The following GSG1L variants were observed in gnomAD, a reference collection of about 807,000 sequenced individuals.
GSG1L encodes germ cell-specific gene 1-like protein.
Under a neutral mutation model 42.1 loss-of-function variants are expected in GSG1L, and 24 were observed. The observed-to-expected ratio is 0.57, with a 90% CI of 0.41 to 0.80. The LOEUF is 0.80. Ranked by LOEUF, GSG1L falls within the 30% of genes least tolerant of loss-of-function variation. GSG1L has a pLI of 0.00. For synonymous variants in GSG1L, 215 were observed against 203.5 expected, an observed-to-expected ratio of 1.06 and a Z score of -0.48; for missense variants, 445 against 472.2, an observed-to-expected ratio of 0.94 and a Z score of 0.53.
At chr16:27,807,097 A>C (rs1349520258) in intron 6 of GSG1L, among the ~76,000 whole-genome samples, 1 of 152,232 alleles carries the variant, frequency 6.6e-6, no homozygotes, top group Non-Finnish European at 1.5e-5. Flanking sequence ...GAATGCATCT[A>C]AGCTGCCAAG....
intron 2 of GSG1L, among the ~76,000 whole-genome samples, chr16:27,916,919 A>C (rs1044098851): frequency 2.0e-5 from 3 of 152,196 alleles, no homozygotes; most frequent in African/African-American, 7.2e-5. Context: ...TATATCAGTT[A>C]AGAGTGTCCA....
At chr16:27,980,759 G>A (rs2085316109) in intron 1 of GSG1L, among the ~76,000 whole-genome samples, 1 of 152,120 alleles carries the variant, frequency 6.6e-6, no homozygotes, top group Admixed American at 6.5e-5. Flanking sequence ...GCACATGCCT[G>A]TAATTCCAGC....
chr16:27,905,386 G>A (rs1276901707), intron 2 of GSG1L, among the ~76,000 whole-genome samples: 1 of 148,514 alleles, frequency 6.7e-6, no homozygotes, highest in Non-Finnish European at 1.5e-5. Context: ...CTGCAGCAGT[G>A]CAATCATAGC....
At chr16:27,840,843 G>A (rs1480365092) in intron 4 of GSG1L, among the ~76,000 whole-genome samples, 4 of 152,074 alleles carry the variant, frequency 2.6e-5, no homozygotes, top group African/African-American at 9.7e-5. Context: ...CCGGCCGCCA[G>A]CCACCGCCAG....
At chr16:27,877,511 C>T (rs567677909) in intron 3 of GSG1L, among the ~76,000 whole-genome samples, 73 of 152,218 alleles carry the variant, frequency 4.8e-4, no homozygotes, top group African/African-American at 1.6e-3. Context: ...CTAGCAGTAT[C>T]GTGAGCTCCA....
chr16:27,796,793 CA>C (rs1173254765), intron 6 of GSG1L, among the ~76,000 whole-genome samples: 1 of 152,192 alleles, frequency 6.6e-6, no homozygotes, highest in East Asian at 1.9e-4. Context: ...TGGGATGAGA[CA>C]AAGTCCACTG....
chr16:27,807,507 C>A lies in GSG1L; in HGVS notation c.878G>T (p.Arg293Leu). 1 of 1,613,026 alleles carries A rather than the reference C, an allele frequency of 6.2e-7. No individual in the cohort carries two copies. The highest frequency in any genetic ancestry group is 1.3e-5 in the African/African-American group (1 of 74,930). The change falls in exon 6 of 7, where the codon CGC (arginine) becomes CTC (leucine). Residue 293 changes from arginine to leucine, a missense_variant. Coordinates refer to ENST00000447459, the MANE Select transcript of GSG1L (RefSeq NM_001109763.2). ...GSEEDFHLDC[R>L]HERYPARHQP... ...CTTACGGGCAGGGTATCTCTCGTGG[C>A]GGCAGTCTAAGTGAAAGTCCTCCTC...
chr16:27,980,526 A>G (rs2085313357), intron 1 of GSG1L, among the ~76,000 whole-genome samples: 1 of 152,184 alleles, frequency 6.6e-6, no homozygotes, highest in Non-Finnish European at 1.5e-5. Context: ...ACATGCATCA[A>G]TTGCTAATCT....
chr16:27,855,082 T>A (rs1198019720), intron 3 of GSG1L, among the ~76,000 whole-genome samples: 1 of 152,030 alleles, frequency 6.6e-6, no homozygotes, highest in Non-Finnish European at 1.5e-5. Flanking sequence ...AAAATAAAAT[T>A]ACCCTGGGAC....
chr16:27,823,178 G>A (rs1379787334), intron 5 of GSG1L, among the ~76,000 whole-genome samples: 2 of 152,134 alleles, frequency 1.3e-5, no homozygotes, highest in Non-Finnish European at 1.5e-5. Flanking sequence ...CGAAGGAGGG[G>A]ACGACAGGCA....
chr16:27,798,253 A>G (rs1219445235), intron 6 of GSG1L, among the ~76,000 whole-genome samples: 1 of 152,032 alleles, frequency 6.6e-6, no homozygotes, highest in African/African-American at 2.4e-5. Flanking sequence ...AAACACCAGG[A>G]GAGTGAAAGG....
In GSG1L at chr16:27,875,208, G is replaced by T. The variant is rs528962255; in HGVS notation, c.550+9278C>A. Among the ~76,000 whole-genome samples the T allele has an allele frequency of 7.2e-5, 11 of 152,226 alleles. No individual in the cohort carries two copies. In the South Asian group the frequency reaches 2.1e-3, roughly 29 times the overall value. On this transcript the variant is annotated intron_variant, in intron 3 of 6. Transcript: ENST00000447459. ...GAGATTATGGGGAGTTAATGTCTCA[G>T]GAGTGACCCTAAACTAATGGTGGAT...
intron 2 of GSG1L, among the ~76,000 whole-genome samples, chr16:27,932,636 GC>G (rs1567523781): frequency 6.6e-6 from 1 of 152,064 alleles, no homozygotes. Flanking sequence ...TCTGCAGCAG[GC>G]CCCACCTTCA....
At chr16:27,830,783 T>A (rs776395607) in intron 4 of GSG1L, among the ~76,000 whole-genome samples, 30 of 152,238 alleles carry the variant, frequency 2.0e-4, no homozygotes, top group Non-Finnish European at 3.4e-4. Context: ...CAACCTGGGA[T>A]GTCTCTTTAT....
intron 3 of GSG1L, among the ~76,000 whole-genome samples, chr16:27,854,021 G>A (rs1596557719): frequency 6.6e-6 from 1 of 152,184 alleles, no homozygotes; most frequent in East Asian, 1.9e-4. Flanking sequence ...GAGAGAACAG[G>A]AGCCCAATTT....
chr16:27,909,635 CTTTTTTTTTTTTTTT>C (rs10709968), intron 2 of GSG1L, among the ~76,000 whole-genome samples: 5 of 88,274 alleles, frequency 5.7e-5, no homozygotes, highest in African/African-American at 1.9e-4. Context: ...CTGCACCCAG[CTTTTTTTTTTTTTTT>C]TTTTTTTTTG....
chr16:27,864,639 T>A (rs1157462920), intron 3 of GSG1L, among the ~76,000 whole-genome samples: 3 of 152,190 alleles, frequency 2.0e-5, no homozygotes, highest in African/African-American at 7.2e-5. Flanking sequence ...CGGTTTTGCC[T>A]CAGATTGAAC....
intron 1 of GSG1L, among the ~76,000 whole-genome samples, chr16:28,036,615 A>G (rs1330625160): frequency 6.6e-6 from 1 of 152,128 alleles, no homozygotes; most frequent in Non-Finnish European, 1.5e-5. Context: ...ATCCCTTCCC[A>G]AATCAACTGC....
chr16:28,058,372 T>C (rs1210029812), intron 1 of GSG1L, among the ~76,000 whole-genome samples: 2 of 152,192 alleles, frequency 1.3e-5, no homozygotes, highest in African/African-American at 4.8e-5. Context: ...CTCACGCCTG[T>C]AATCCCAGCA....
Sources: allele counts gnomAD v4.1 joint callset (sites outside exome capture counted in the v4.1 genomes callset), GRCh38; gene constraint gnomAD v4.1.1; transcripts MANE v1.5; gene names NCBI Gene and HGNC (gene_info 2026-07-23, HGNC 2026-07-21).